ANO1: variants seen among roughly 807,000 people sequenced by gnomAD.
ANO1 encodes the protein anoctamin-1.
ANO1 carries 59 observed loss-of-function variants against 124.0 expected under a neutral mutation model. That is an observed-to-expected ratio of 0.48 (90% CI 0.39 to 0.59). The LOEUF is 0.59. Ranked by LOEUF, ANO1 falls within the 20% of genes least tolerant of loss-of-function variation. ANO1 has a pLI of 0.00. For missense variants in ANO1, 1,059 were observed against 1,328.0 expected, an observed-to-expected ratio of 0.80 and a Z score of 3.15; for synonymous variants, 529 against 532.0, an observed-to-expected ratio of 0.99 and a Z score of 0.08.
At chr11:70,071,382 T>C (rs190426938) in intron 1 of ANO1, among the ~76,000 whole-genome samples, 242 of 152,300 alleles carry the variant, frequency 1.6e-3, no homozygotes, top group African/African-American at 5.3e-3. Context: ...GCAGAAATCT[T>C]ACAAAACAGA....
At chr11:70,106,477 C>G (rs2045552587) in intron 5 of ANO1, among the ~76,000 whole-genome samples, 1 of 152,194 alleles carries the variant, frequency 6.6e-6, no homozygotes, top group African/African-American at 2.4e-5. Context: ...TCAGGGTGAC[C>G]TTGTCCAGAC....
At chr11:70,031,040 G>A (rs1034841662) in intron 1 of ANO1, among the ~76,000 whole-genome samples, 1 of 152,178 alleles carries the variant, frequency 6.6e-6, no homozygotes, top group South Asian at 2.1e-4. Context: ...TGCCTCCTGG[G>A]TTCAAGTGAT....
intron 1 of ANO1, among the ~76,000 whole-genome samples, chr11:70,007,635 A>G (rs60699200): frequency 0.24 from 36,088 of 152,010 alleles, 4,430 homozygotes; most frequent in South Asian, 0.29. Flanking sequence ...ACCACATTTT[A>G]CTTCTCTATT....
intron 8 of ANO1, 92 bp downstream of exon 8, chr11:70,116,591 C>A (rs2045985165): frequency 3.0e-6 from 4 of 1,352,932 alleles, no homozygotes; most frequent in Admixed American, 4.0e-5. Context: ...GAGGACTTAC[C>A]GGCCTCCAGG....
Position 70,136,197 on chromosome 11 carries a change from G to A in ANO1, c.1258+4118G>A, listed in dbSNP as rs1178943975. 3.3e-5 allele frequency among the ~76,000 whole-genome samples: 5 copies of A among 152,304 alleles called. No homozygotes were observed. The Middle Eastern group carries it at 0.01, about 311-fold the overall frequency. On this transcript the variant is annotated intron_variant, in intron 11 of 25. Coordinates refer to ENST00000355303, the MANE Select transcript of ANO1 (RefSeq NM_018043.7). The stretch of plus-strand genomic sequence containing the variant: ...CCTGTGGACCCTCCAAGACTAGAGC[G>A]TCCAGGGCTGGCTGACCCTGCTGGA...
chr11:70,030,503 C>A (rs1268442122), intron 1 of ANO1, among the ~76,000 whole-genome samples: 1 of 152,106 alleles, frequency 6.6e-6, no homozygotes. Context: ...GGGGTAAAAC[C>A]AAGTCATCCG....
chr11:70,102,685 G>A (rs1378952316), intron 2 of ANO1, among the ~76,000 whole-genome samples: 2 of 152,180 alleles, frequency 1.3e-5, no homozygotes, highest in African/African-American at 4.8e-5. Context: ...GGTGGAGGCC[G>A]AGGGGCCTGG....
rs562540414 is a variant in ANO1 at position 70,078,408 on chromosome 11, C to A, written c.-199C>A. The A allele has an allele frequency of 6.7e-5, 10 of 149,626 alleles. No homozygotes were observed. In the East Asian group the frequency reaches 1.8e-3, roughly 27 times the overall value. The allele number at this position is 149,626 out of a possible 1,614,324, so 9.3% of individuals were successfully genotyped here. On this transcript the variant is annotated 5_prime_UTR_variant, in exon 1 of 26. Transcript: ENST00000355303. ...GGCCCCGAGAGGCTCAGGCGCCCCC[C>A]GCATCGAGCGCGCGGGCCGGGCGGG...
At chr11:70,000,931 C>T (rs1856371447) in intron 1 of ANO1, among the ~76,000 whole-genome samples, 1 of 151,422 alleles carries the variant, frequency 6.6e-6, no homozygotes, top group Admixed American at 6.6e-5. Flanking sequence ...AGATACCCAG[C>T]TTTGGCAAGA....
chr11:69,989,828 G>A (rs541365195), intron 1 of ANO1, among the ~76,000 whole-genome samples: 3 of 152,238 alleles, frequency 2.0e-5, no homozygotes, highest in South Asian at 2.1e-4. Context: ...GCCAGCACAT[G>A]GAATGTAGGG....
At chr11:70,060,995 T>G (rs1187226348) in intron 1 of ANO1, among the ~76,000 whole-genome samples, 1 of 152,154 alleles carries the variant, frequency 6.6e-6, no homozygotes, top group Non-Finnish European at 1.5e-5. Flanking sequence ...TTGGTTAGGA[T>G]AGCAAAGCCT....
the ANO1 span, among the ~76,000 whole-genome samples, chr11:69,978,770 T>C: frequency 6.6e-6 from 1 of 152,222 alleles, no homozygotes; most frequent in Non-Finnish European, 1.5e-5. Flanking sequence ...CAGGACGAAT[T>C]GAATTATTCC....
At chr11:70,049,574 G>C (rs1408620036) in intron 1 of ANO1, among the ~76,000 whole-genome samples, 1 of 142,730 alleles carries the variant, frequency 7.0e-6, no homozygotes, top group Non-Finnish European at 1.5e-5. Flanking sequence ...AATGGGGATG[G>C]AGGATAAATG....
At chr11:70,050,202 T>G (rs547508363) in intron 1 of ANO1, among the ~76,000 whole-genome samples, 1 of 152,288 alleles carries the variant, frequency 6.6e-6, no homozygotes, top group South Asian at 2.1e-4. Flanking sequence ...AGATACATAA[T>G]GACAAAACTA....
chr11:70,165,571 G>A lies in ANO1; in HGVS notation c.2051+1G>A. 1 of 1,609,318 alleles carries A rather than the reference G, an allele frequency of 6.2e-7. No individual in the cohort carries two copies. The highest frequency in any genetic ancestry group is 1.1e-5 in the South Asian group (1 of 89,924). Reference sequence around the variant, plus strand: ...ACAACCTGTTCGAGATCGGCATCCCGTGAGTGTGCTGCAGCGGGTTAGAGC... The same window carrying A: ...ACAACCTGTTCGAGATCGGCATCCCATGAGTGTGCTGCAGCGGGTTAGAGC... On this transcript the variant is annotated splice_donor_variant, in intron 20 of 25. Coordinates refer to ENST00000355303, the MANE Select transcript of ANO1 (RefSeq NM_018043.7). LOFTEE classifies it high-confidence loss of function.
At chr11:69,998,299 G>T (rs1378923778) in intron 1 of ANO1, among the ~76,000 whole-genome samples, 2 of 152,214 alleles carry the variant, frequency 1.3e-5, no homozygotes, top group African/African-American at 4.8e-5. Flanking sequence ...CCAGAACGTG[G>T]CCTCTTGCCC....
At chr11:69,984,519 C>T (rs1396582618), upstream of ANO1, among the ~76,000 whole-genome samples, 2 of 20,280 alleles carry the variant, frequency 9.9e-5, no homozygotes, top group Admixed American at 1.5e-3. Flanking sequence ...GAGGTGGGGG[C>T]GGGGAAGGAG....
At chr11:70,120,741 G>T (rs1258915181) in intron 8 of ANO1, among the ~76,000 whole-genome samples, 1 of 152,186 alleles carries the variant, frequency 6.6e-6, no homozygotes, top group African/African-American at 2.4e-5. Context: ...ATGTCACCAA[G>T]GGCCGGTGGC....
chr11:69,970,486 C>T, the ANO1 span, among the ~76,000 whole-genome samples: 7,621 of 152,306 alleles, frequency 0.05, 346 homozygotes, highest in African/African-American at 0.12. Flanking sequence ...CCGACCAGCA[C>T]GCGGGAGGCA....
Sources: allele counts gnomAD v4.1 joint callset (sites outside exome capture counted in the v4.1 genomes callset), GRCh38; gene constraint gnomAD v4.1.1; transcripts MANE v1.5; gene names NCBI Gene and HGNC (gene_info 2026-07-23, HGNC 2026-07-21).